Variants in HID1 observed in about 807,000 individuals in gnomAD.
HID1 encodes protein HID1.
In HID1, 42 loss-of-function variants were observed where a neutral mutation model predicts 89.7. That is an observed-to-expected ratio of 0.47 (90% CI 0.37 to 0.61). HID1 has a LOEUF of 0.61. HID1 is among the 20% of genes least tolerant of loss of function. HID1 has a pLI of 0.00. For synonymous variants in HID1, 442 were observed against 433.8 expected (o/e 1.02, Z -0.24); for missense variants, 854 against 1,039.3 (o/e 0.82, Z 2.45).
Position 74,961,992 on chromosome 17 carries a change from T to G in HID1, c.612-3A>C. The G allele has an allele frequency of 1.3e-6, 2 of 1,563,632 alleles. No individual in the cohort carries two copies. Among genetic ancestry groups the G allele is most frequent in the Non-Finnish European group, 1.7e-6 (2 of 1,154,928 alleles). On this transcript the variant is annotated splice_polypyrimidine_tract_variant and splice_region_variant and intron_variant, in intron 5 of 18. Coordinates refer to ENST00000425042, the MANE Select transcript of HID1 (RefSeq NM_030630.3). Reference sequence around the variant, plus strand: ...GCAGCAGTTTCAGCAGCTCCATCCTTGTAGGAGGAAGGGGGAGGGCACCTT... The same window carrying G: ...GCAGCAGTTTCAGCAGCTCCATCCTGGTAGGAGGAAGGGGGAGGGCACCTT...
intron 17 of HID1, 24 bp downstream of exon 17, chr17:74,952,245 C>T (rs200494291): frequency 8.7e-6 from 14 of 1,602,158 alleles, no homozygotes; most frequent in East Asian, 2.2e-5. Context: ...CCACAACCCC[C>T]GGCCCTGCCG....
intron 1 of HID1, among the ~76,000 whole-genome samples, chr17:74,969,199 T>A (rs558412373): frequency 6.6e-6 from 1 of 152,112 alleles, no homozygotes. Context: ...ATCTGATCTT[T>A]TTTTTTCTTT....
chr17:74,952,217 C>T, intron 17 of HID1, 52 bp downstream of exon 17: 3 of 1,565,668 alleles, frequency 1.9e-6, no homozygotes, highest in South Asian at 2.2e-5. Context: ...CCGGCCCCGC[C>T]CACAACCCCG....
In HID1 at chr17:74,951,524, C is replaced by A. The variant is rs1259933780; in HGVS notation, c.*46G>T. On this transcript the variant is annotated 3_prime_UTR_variant, in exon 19 of 19. Transcript: ENST00000425042. ...GGTGGATGGGGGAAGCCTCAGGGAC[C>A]AAGGCCCTGCCTTCCCCTAGACTGA... is the stretch of plus-strand genomic sequence containing the variant. The A allele has an allele frequency of 6.4e-7, 1 of 1,558,636 alleles. No homozygotes were observed. Among genetic ancestry groups the A allele is most frequent in the African/African-American group, 1.3e-5 (1 of 74,212 alleles).
chr17:74,962,440 C>A lies in HID1; in HGVS notation c.505-100G>T. 3.0e-6 allele frequency: 2 copies of A among 667,774 alleles called. No individual in the cohort carries two copies. Among genetic ancestry groups the A allele is most frequent in the Admixed American group, 2.8e-5 (1 of 35,414 alleles). 41.4% of individuals were successfully genotyped at this position (667,774 alleles called of 1,614,324 possible). The stretch of plus-strand genomic sequence containing the variant: ...CTCGAGCCTCACACAGTCCCAGGGG[C>A]AGAGACCGCCAGTTCTCCTAAAGAC... On this transcript the variant is annotated intron_variant, in intron 4 of 18. Transcript: ENST00000425042. The surrounding 1 kb of genome is among the most constrained non-coding windows in gnomAD (Gnocchi z 4.3).
In HID1 at chr17:74,953,553, C is replaced by A. The variant is rs778140500; in HGVS notation, c.1963G>T (p.Ala655Ser). Residue 655 changes from alanine to serine, a missense_variant, in exon 15 of 19, where the codon GCT (alanine) becomes TCT (serine). Transcript: ENST00000425042. ...GAGTCCCCGTCACCCACCCCCTTAG[C>A]CGGGCTGCCATCCTCCAAGCTCTGC... ...PQQSLEDGSP[A>S]KGEPSQAWRE... 1.2e-6 allele frequency: 2 copies of A among 1,613,738 alleles called. No homozygotes were observed. The highest frequency in any genetic ancestry group is 2.7e-5 in the African/African-American group (2 of 74,898).
rs750753774 is a variant in HID1 at position 74,963,107 on chromosome 17, C to A, written c.388-26G>T. ...CTGGGGACACAGCACCCACAGGCTG[C>A]CTCAGTGATAGCTGGCCAGGAAGAG... On this transcript the variant is annotated intron_variant, in intron 3 of 18. Coordinates refer to ENST00000425042, the MANE Select transcript of HID1 (RefSeq NM_030630.3). The A allele has an allele frequency of 3.3e-6, 5 of 1,531,270 alleles. No homozygotes were observed. In the East Asian group the frequency reaches 9.4e-5, roughly 29 times the overall value. The allele number at this position is 1,531,270 out of a possible 1,614,324, so 94.9% of individuals were successfully genotyped here.
intron 1 of HID1, among the ~76,000 whole-genome samples, chr17:74,967,185 C>T (rs2039575345): frequency 6.6e-6 from 1 of 151,878 alleles, no homozygotes; most frequent in African/African-American, 2.4e-5. Flanking sequence ...TGCAGTGAGC[C>T]AAGATCGTGC....
intron 1 of HID1, among the ~76,000 whole-genome samples, chr17:74,970,344 A>G (rs1184649043): frequency 6.6e-6 from 1 of 152,210 alleles, no homozygotes; most frequent in South Asian, 2.1e-4. Flanking sequence ...CTAGTCCTCA[A>G]GCCTGCTAAG....
At chr17:74,969,122 G>A (rs1190300167) in intron 1 of HID1, among the ~76,000 whole-genome samples, 5 of 151,796 alleles carry the variant, frequency 3.3e-5, no homozygotes, top group African/African-American at 2.4e-5. Flanking sequence ...TGGGAGAAAC[G>A]TGGCTCAGCG....
At chr17:74,957,358 G>A (rs1256586948) in intron 12 of HID1, among the ~76,000 whole-genome samples, 1 of 150,540 alleles carries the variant, frequency 6.6e-6, no homozygotes, top group Non-Finnish European at 1.5e-5. Flanking sequence ...GGTGGCACAT[G>A]CTGTGATCCC....
At position 74,952,343 on chromosome 17, in the gene HID1, C is replaced by T. The variant is rs1195973379; in HGVS notation, c.2070G>A (p.Ser690=). The T allele has an allele frequency of 6.2e-7, 1 of 1,613,804 alleles. No homozygotes were observed. Among genetic ancestry groups the T allele is most frequent in the Non-Finnish European group, 8.5e-7 (1 of 1,179,932 alleles). ...TCATGATGGTCTGCAGCGGCAGCTT[C>T]GACTTCCAGGAGAGGACCTGGCGAG... ...PTPEWVLSWK[S]KLPLQTIMRL... The change falls in exon 17 of 19, where the codon TCG becomes TCA. Residue 690 remains serine, a synonymous_variant. Coordinates refer to ENST00000425042, the MANE Select transcript of HID1 (RefSeq NM_030630.3).
At chr17:74,952,127 G>A in intron 17 of HID1, 64 bp from the exon 18 acceptor site, 2 of 1,532,070 alleles carry the variant, frequency 1.3e-6, no homozygotes, top group Non-Finnish European at 1.8e-6. Context: ...GCTCACCCTG[G>A]CCACCCAAGA....
Position 74,951,365 on chromosome 17 carries a change from G to C in HID1, c.*205C>G. The C allele has an allele frequency of 1.7e-6, 1 of 594,522 alleles. No individual in the cohort carries two copies. Among genetic ancestry groups the C allele is most frequent in the Non-Finnish European group, 3.0e-6 (1 of 335,104 alleles). The allele number at this position is 594,522 out of a possible 1,614,324, so 36.8% of individuals were successfully genotyped here. On this transcript the variant is annotated 3_prime_UTR_variant, in exon 19 of 19. Transcript: ENST00000425042. ...GCATAGCCCCAGAGATGGGGCTCCT[G>C]TGAGTCCAGCCTAGGGGTTGAGGGG...
intron 1 of HID1, among the ~76,000 whole-genome samples, chr17:74,968,767 C>A (rs2039600134): frequency 6.6e-6 from 1 of 152,216 alleles, no homozygotes; most frequent in African/African-American, 2.4e-5. Context: ...ATCCCTGACA[C>A]TTTTCCCACC....
Position 74,958,871 on chromosome 17 carries a change from G to A in HID1, c.1149+40C>T. The A allele has an allele frequency of 6.3e-7, 1 of 1,582,134 alleles. No individual in the cohort carries two copies. Among genetic ancestry groups the A allele is most frequent in the South Asian group, 1.2e-5 (1 of 86,078 alleles). ...CTGCCCCCGGGTTATTGGGGCAGCT[G>A]CTCTCCATCTCCCTGCAGGGCCCCT... On this transcript the variant is annotated intron_variant, in intron 9 of 18. Transcript: ENST00000425042. The surrounding 1 kb of genome is among the most constrained non-coding windows in gnomAD (Gnocchi z 5.2).
At chr17:74,969,385 A>C (rs932258514) in intron 1 of HID1, among the ~76,000 whole-genome samples, 3 of 151,742 alleles carry the variant, frequency 2.0e-5, no homozygotes, top group African/African-American at 7.3e-5. Context: ...ATGGGGTTTC[A>C]CCATGTTAGC....
intron 12 of HID1, among the ~76,000 whole-genome samples, chr17:74,956,171 G>T (rs1029686280): frequency 2.0e-5 from 3 of 152,118 alleles, no homozygotes; most frequent in Non-Finnish European, 4.4e-5. Context: ...CCTCGACCAT[G>T]AAGACAGCTG....
intron 1 of HID1, among the ~76,000 whole-genome samples, chr17:74,969,044 C>A (rs1310034052): frequency 6.6e-6 from 1 of 152,170 alleles, no homozygotes; most frequent in Non-Finnish European, 1.5e-5. Flanking sequence ...GATTTGGTGA[C>A]CACCTGCCCA....
Sources: allele counts gnomAD v4.1 joint callset (sites outside exome capture counted in the v4.1 genomes callset), GRCh38; gene constraint gnomAD v4.1.1; non-coding constraint Gnocchi (gnomAD v3.1); transcripts MANE v1.5; gene names NCBI Gene and HGNC (gene_info 2026-07-23, HGNC 2026-07-21).